Variants in NAALADL2 observed in about 807,000 individuals in gnomAD.
The protein encoded by NAALADL2 is N-acetylated alpha-linked acidic dipeptidase like 2, also known as inactive N-acetylated-alpha-linked acidic dipeptidase-like protein 2.
Under a neutral mutation model 87.2 loss-of-function variants are expected in NAALADL2, and 76 were observed. That is an observed-to-expected ratio of 0.87 (90% CI 0.72 to 1.05). The LOEUF (loss-of-function observed/expected upper bound fraction) is 1.05, where lower values mean the gene tolerates loss of function less well. Ranked by LOEUF, NAALADL2 falls within the 50% of genes least tolerant of loss-of-function variation. The pLI is 0.00. For missense variants in NAALADL2, 1,089 were observed against 945.8 expected, an observed-to-expected ratio of 1.15 and a Z score of -1.99; for synonymous variants, 354 against 331.0, an observed-to-expected ratio of 1.07 and a Z score of -0.75.
At chr3:175,411,119 A>C (rs909882050) in intron 5 of NAALADL2, among the ~76,000 whole-genome samples, 4 of 152,232 alleles carry the variant, frequency 2.6e-5, no homozygotes, top group African/African-American at 9.6e-5. Flanking sequence ...GAGAGGTAGC[A>C]GTAAAGATTT....
chr3:174,447,298 T>G (rs1044015079), intron 1 of NAALADL2, among the ~76,000 whole-genome samples: 7 of 152,168 alleles, frequency 4.6e-5, no homozygotes, highest in Admixed American at 2.0e-4. Flanking sequence ...CTGAATGATT[T>G]GTAAATTAAC....
intron 2 of NAALADL2, among the ~76,000 whole-genome samples, chr3:174,737,018 G>T (rs1405957776): frequency 6.6e-6 from 1 of 152,216 alleles, no homozygotes; most frequent in Non-Finnish European, 1.5e-5. Flanking sequence ...TCAAAGCATG[G>T]GCAGCTGCAG....
intron 1 of NAALADL2, among the ~76,000 whole-genome samples, chr3:174,906,577 T>A (rs1302997646): frequency 1.3e-5 from 2 of 152,110 alleles, no homozygotes; most frequent in Admixed American, 1.3e-4. Context: ...GGAACTGAGA[T>A]GCTGTTTCCA....
intron 5 of NAALADL2, among the ~76,000 whole-genome samples, chr3:175,343,399 T>C (rs1042034009): frequency 1.3e-5 from 2 of 152,100 alleles, no homozygotes; most frequent in African/African-American, 4.8e-5. Context: ...TAACAAATTA[T>C]ATGTAGTAAT....
chr3:174,964,970 T>C lies in NAALADL2; in HGVS notation c.43+105520T>C, dbSNP rs532992700. Among the ~76,000 whole-genome samples, 12 of 152,162 alleles carry C rather than the reference T, an allele frequency of 7.9e-5. No homozygotes were observed. In the Middle Eastern group the frequency reaches 0.01, roughly 130 times the overall value. On this transcript the variant is annotated intron_variant, in intron 1 of 13. Transcript: ENST00000454872. Reference sequence around the variant, plus strand: ...TGGGAGGAGGTGGTTGTATTACTTATGTATTGCTACATCAAAAAAAATGTA... The same window carrying C: ...TGGGAGGAGGTGGTTGTATTACTTACGTATTGCTACATCAAAAAAAATGTA...
At chr3:174,945,528 C>T (rs959943878) in intron 1 of NAALADL2, among the ~76,000 whole-genome samples, 1 of 152,146 alleles carries the variant, frequency 6.6e-6, no homozygotes, top group Admixed American at 6.5e-5. Flanking sequence ...ACCCAAATTT[C>T]CTGGATTCCC....
chr3:174,795,804 G>A (rs1170025817), intron 3 of NAALADL2, among the ~76,000 whole-genome samples: 2 of 152,128 alleles, frequency 1.3e-5, no homozygotes, highest in African/African-American at 4.8e-5. Context: ...AGCATTTTAT[G>A]TGCTTATTGG....
chr3:174,594,487 T>C (rs1205856708), intron 2 of NAALADL2, among the ~76,000 whole-genome samples: 2 of 152,212 alleles, frequency 1.3e-5, no homozygotes, highest in Non-Finnish European at 2.9e-5. Flanking sequence ...TAATAGGCTG[T>C]TCTTCTTCCT....
chr3:174,784,009 A>G (rs1020425845), intron 3 of NAALADL2, among the ~76,000 whole-genome samples: 7 of 152,278 alleles, frequency 4.6e-5, no homozygotes, highest in South Asian at 2.1e-4. Flanking sequence ...GAGTATTCCA[A>G]TAGTTCCCAA....
intron 5 of NAALADL2, among the ~76,000 whole-genome samples, chr3:175,342,505 C>CGTGT (rs35444340): frequency 0.028 from 4,168 of 146,690 alleles, 117 homozygotes; most frequent in African/African-American, 0.074. Flanking sequence ...CCAAATATTG[C>CGTGT]GTGTGTGTGT....
chr3:174,545,175 G>A (rs1284310222), intron 1 of NAALADL2, among the ~76,000 whole-genome samples: 1 of 152,152 alleles, frequency 6.6e-6, no homozygotes, highest in African/African-American at 2.4e-5. Flanking sequence ...ACTGTGCCTT[G>A]CCTCAATAAC....
intron 3 of NAALADL2, among the ~76,000 whole-genome samples, chr3:174,854,002 C>T (rs1483176605): frequency 6.6e-6 from 1 of 151,590 alleles, no homozygotes; most frequent in Non-Finnish European, 1.5e-5. Context: ...ATAAAACTAC[C>T]ACATGGTCCA....
intron 3 of NAALADL2, among the ~76,000 whole-genome samples, chr3:174,825,288 C>T (rs561229074): frequency 6.6e-6 from 1 of 150,634 alleles, no homozygotes; most frequent in South Asian, 2.1e-4. Flanking sequence ...GAGTAATTCC[C>T]AGTCCAAGGC....
In NAALADL2 at chr3:175,129,305, T is replaced by G. The variant is rs77872096; in HGVS notation, c.545+32014T>G. ...AGTTACCATTTTGTGTGTGTGTGTG[T>G]GGTGAGAACACTTACAATCTGCTTT... On this transcript the variant is annotated intron_variant, in intron 2 of 13. Transcript: ENST00000454872. Among the ~76,000 whole-genome samples the G allele has an allele frequency of 6.9e-3, 1,053 of 152,256 alleles. 11 individuals are homozygous for G. Among genetic ancestry groups the G allele is most frequent in the African/African-American group, 0.024 (999 of 41,538 alleles).
chr3:175,120,798 T>C (rs544688021), intron 2 of NAALADL2, among the ~76,000 whole-genome samples: 3 of 151,942 alleles, frequency 2.0e-5, no homozygotes, highest in Admixed American at 6.6e-5. Context: ...TCTAATTGGT[T>C]GATAAAACTG....
rs1255156049 is a variant in NAALADL2 at position 175,471,579 on chromosome 3, A to G, written c.1534-60A>G. 5 of 949,024 alleles carry G rather than the reference A, an allele frequency of 5.3e-6. No individual in the cohort carries two copies. The Admixed American group carries it at 1.0e-4, about 19-fold the overall frequency. The allele number at this position is 949,024 out of a possible 1,614,324, so 58.8% of individuals were successfully genotyped here. On this transcript the variant is annotated intron_variant, in intron 8 of 13. Coordinates refer to ENST00000454872, the MANE Select transcript of NAALADL2 (RefSeq NM_207015.3). Reference sequence around the variant, plus strand: ...AATGTTCATTATTCAACATCTAACTAATAAAGTAGAATCTATTTATTTGTC... The same window carrying G: ...AATGTTCATTATTCAACATCTAACTGATAAAGTAGAATCTATTTATTTGTC...
chr3:174,842,612 AC>A (rs1423368518), intron 3 of NAALADL2, among the ~76,000 whole-genome samples: 1 of 152,172 alleles, frequency 6.6e-6, no homozygotes, highest in Admixed American at 6.5e-5. Flanking sequence ...TTTGTTACAT[AC>A]TTCTTTCAGA....
At chr3:175,721,263 A>G (rs980431255) in intron 11 of NAALADL2, among the ~76,000 whole-genome samples, 4 of 152,104 alleles carry the variant, frequency 2.6e-5, no homozygotes, top group African/African-American at 9.7e-5. Flanking sequence ...CTACAGAAAT[A>G]AAAGAACAGG....
intron 2 of NAALADL2, among the ~76,000 whole-genome samples, chr3:175,141,152 T>C (rs574280892): frequency 6.6e-6 from 1 of 152,120 alleles, no homozygotes; most frequent in Non-Finnish European, 1.5e-5. Flanking sequence ...GCACATGGCT[T>C]CCTGTTGTTA....
Sources: allele counts gnomAD v4.1 joint callset (sites outside exome capture counted in the v4.1 genomes callset), GRCh38; gene constraint gnomAD v4.1.1; transcripts MANE v1.5; gene names NCBI Gene and HGNC (gene_info 2026-07-23, HGNC 2026-07-21).